Variants in CDH12 observed in about 807,000 individuals in gnomAD.
The protein encoded by CDH12 is cadherin 12.
Under a neutral mutation model 74.1 loss-of-function variants are expected in CDH12, and 41 were observed. The observed-to-expected ratio is 0.55, with a 90% CI of 0.43 to 0.72. CDH12 has a LOEUF of 0.72. CDH12 is among the 30% of genes least tolerant of loss of function. CDH12 has a pLI of 0.00. For synonymous variants in CDH12, 399 were observed against 355.0 expected, an observed-to-expected ratio of 1.12 and a Z score of -1.39; for missense variants, 945 against 977.2, an observed-to-expected ratio of 0.97 and a Z score of 0.44.
chr5:22,298,510 T>G (rs1464237171), intron 3 of CDH12, among the ~76,000 whole-genome samples: 1 of 150,722 alleles, frequency 6.6e-6, no homozygotes, highest in African/African-American at 2.4e-5. Context: ...TGATGGATTC[T>G]GTAGCAGAAG....
rs973020642 is a variant in CDH12 at position 22,838,455 on chromosome 5, C to T, written c.-523+14603G>A. On this transcript the variant is annotated intron_variant, in intron 1 of 14. Coordinates refer to ENST00000382254, the MANE Select transcript of CDH12 (RefSeq NM_004061.5). ...TTACAACTCATTTGTGTAAGTCATTCTAAAATTGAATCTCTTGTTCTCATA... is the reference window on the plus strand; with the variant it reads ...TTACAACTCATTTGTGTAAGTCATTTTAAAATTGAATCTCTTGTTCTCATA... 5.9e-5 allele frequency among the ~76,000 whole-genome samples: 9 copies of T among 152,186 alleles called. No homozygotes were observed. In the South Asian group the frequency reaches 1.5e-3, roughly 25 times the overall value.
At chr5:22,572,089 A>G (rs2126767296) in intron 1 of CDH12, among the ~76,000 whole-genome samples, 1 of 152,256 alleles carries the variant, frequency 6.6e-6, no homozygotes, top group East Asian at 1.9e-4. Context: ...AAAGTGCACT[A>G]AAATAAGGTT....
chr5:22,366,459 G>A (rs1348831368), intron 3 of CDH12, among the ~76,000 whole-genome samples: 2 of 151,986 alleles, frequency 1.3e-5, no homozygotes, highest in Admixed American at 1.3e-4. Flanking sequence ...TAACATCTTT[G>A]TCCTTATCTT....
chr5:22,694,936 T>C (rs926203508), intron 1 of CDH12, among the ~76,000 whole-genome samples: 1 of 152,050 alleles, frequency 6.6e-6, no homozygotes, highest in Non-Finnish European at 1.5e-5. Flanking sequence ...ACCCATCATC[T>C]AGGTTTTAAG....
intron 5 of CDH12, among the ~76,000 whole-genome samples, chr5:22,048,790 C>T (rs1208168643): frequency 6.6e-6 from 1 of 151,920 alleles, no homozygotes; most frequent in African/African-American, 2.4e-5. Flanking sequence ...AAAAATTTGA[C>T]ATAAAAGTGT....
At chr5:22,401,278 C>T (rs1220644627) in intron 3 of CDH12, among the ~76,000 whole-genome samples, 3 of 152,126 alleles carry the variant, frequency 2.0e-5, no homozygotes, top group Non-Finnish European at 4.4e-5. Flanking sequence ...AAACTTAGAA[C>T]TCTTCATGTC....
At chr5:21,785,087 A>G (rs201372923) in intron 10 of CDH12, among the ~76,000 whole-genome samples, 4,589 of 84,114 alleles carry the variant, frequency 0.055, 168 homozygotes, top group East Asian at 0.19. Context: ...TTTTTAATTA[A>G]TATTATAACA....
At chr5:22,658,910 TA>T (rs375605927) in intron 1 of CDH12, among the ~76,000 whole-genome samples, 214 of 152,214 alleles carry the variant, frequency 1.4e-3, no homozygotes, top group Non-Finnish European at 2.3e-3. Flanking sequence ...CAAAGGCTTA[TA>T]GGGGGGGATG....
chr5:22,535,210 A>T (rs1484182276), intron 1 of CDH12, among the ~76,000 whole-genome samples: 2 of 127,358 alleles, frequency 1.6e-5, no homozygotes, highest in Admixed American at 9.9e-5. Context: ...GCTGGACTGC[A>T]GTGGCGCGGT....
At chr5:22,555,438 T>G (rs974010664) in intron 1 of CDH12, among the ~76,000 whole-genome samples, 1 of 151,968 alleles carries the variant, frequency 6.6e-6, no homozygotes, top group Non-Finnish European at 1.5e-5. Context: ...AAATGCCATC[T>G]CTTTAGAAAT....
At chr5:22,540,294 A>C (rs1483823283) in intron 1 of CDH12, among the ~76,000 whole-genome samples, 1 of 152,056 alleles carries the variant, frequency 6.6e-6, no homozygotes, top group Non-Finnish European at 1.5e-5. Context: ...AATTAAATGT[A>C]TTTCAAGAGA....
chr5:22,151,135 C>T (rs1264339482), intron 4 of CDH12, among the ~76,000 whole-genome samples: 1 of 152,264 alleles, frequency 6.6e-6, no homozygotes, highest in Non-Finnish European at 1.5e-5. Context: ...ACCCATTTTA[C>T]TCATGTGGAA....
intron 1 of CDH12, among the ~76,000 whole-genome samples, chr5:22,781,778 T>C (rs993222022): frequency 1.3e-5 from 2 of 152,078 alleles, no homozygotes; most frequent in Non-Finnish European, 2.9e-5. Context: ...TACTATTGAA[T>C]AGCAGACAAG....
chr5:22,132,659 G>A (rs1286825690), intron 4 of CDH12, among the ~76,000 whole-genome samples: 1 of 151,976 alleles, frequency 6.6e-6, no homozygotes, highest in Non-Finnish European at 1.5e-5. Flanking sequence ...CCCTAGGTGG[G>A]GTTCATACCT....
intron 1 of CDH12, among the ~76,000 whole-genome samples, chr5:22,851,401 A>C (rs1021924890): frequency 3.9e-5 from 6 of 152,174 alleles, no homozygotes; most frequent in Non-Finnish European, 7.4e-5. Flanking sequence ...TAACTGAACA[A>C]CACAGAAAAT....
chr5:21,830,367 A>C (rs1371434927), intron 8 of CDH12, among the ~76,000 whole-genome samples: 1 of 152,084 alleles, frequency 6.6e-6, no homozygotes, highest in Non-Finnish European at 1.5e-5. Flanking sequence ...GAGAAGGAAA[A>C]AATTAAAAAT....
At chr5:22,713,792 G>A (rs1264711552) in intron 1 of CDH12, among the ~76,000 whole-genome samples, 1 of 152,066 alleles carries the variant, frequency 6.6e-6, no homozygotes, top group Non-Finnish European at 1.5e-5. Flanking sequence ...TACTGCTAAT[G>A]TAACCCAGAA....
chr5:21,975,484 A>G (rs1340448501), intron 5 of CDH12, 99 bp from the exon 6 acceptor site: 3 of 765,850 alleles, frequency 3.9e-6, no homozygotes, highest in African/African-American at 1.8e-5. Context: ...ATAATTTGCA[A>G]TACAATTCCT....
intron 6 of CDH12, among the ~76,000 whole-genome samples, chr5:21,955,157 T>C (rs1369214267): frequency 6.6e-6 from 1 of 152,054 alleles, no homozygotes; most frequent in Non-Finnish European, 1.5e-5. Flanking sequence ...AGCTCAGTTA[T>C]GTATTTCCAT....
Sources: gnomAD v4.1 joint callset for allele counts (sites outside exome capture counted in the v4.1 genomes callset) on GRCh38, gnomAD v4.1.1 for gene constraint, MANE v1.5 for transcripts, NCBI Gene and HGNC (gene_info 2026-07-23, HGNC 2026-07-21) for gene names.